Variants in ANGPT1 observed in about 807,000 individuals in gnomAD.
ANGPT1 encodes angiopoietin 1, also known as angiopoietin-1.
A neutral mutation model predicts 62.2 loss-of-function variants in ANGPT1; 17 were observed. The ratio of observed to expected loss-of-function variants is 0.27; its 90% CI spans 0.19 to 0.41. The LOEUF (loss-of-function observed/expected upper bound fraction) is 0.41, where lower values mean the gene tolerates loss of function less well. ANGPT1 is among the 10% of genes least tolerant of loss of function. ANGPT1 has a pLI of 1.00. For missense variants in ANGPT1, 478 were observed against 594.9 expected, an observed-to-expected ratio of 0.80 and a Z score of 2.04; for synonymous variants, 199 against 198.9, an observed-to-expected ratio of 1.00 and a Z score of 0.00.
chr8:107,457,279 A>C (rs1811944137), intron 1 of ANGPT1, among the ~76,000 whole-genome samples: 1 of 152,132 alleles, frequency 6.6e-6, no homozygotes, highest in Non-Finnish European at 1.5e-5. Context: ...GGCAGAGCAA[A>C]ATAATTAGCA....
intron 6 of ANGPT1, among the ~76,000 whole-genome samples, chr8:107,292,073 G>A (rs548062283): frequency 1.3e-5 from 2 of 152,210 alleles, no homozygotes; most frequent in South Asian, 2.1e-4. Flanking sequence ...CTGGTCCAGA[G>A]CTTGAGATTC....
intron 1 of ANGPT1, among the ~76,000 whole-genome samples, chr8:107,459,622 C>T (rs1442637050): frequency 6.6e-6 from 1 of 152,202 alleles, no homozygotes; most frequent in Non-Finnish European, 1.5e-5. Flanking sequence ...CAACAGTTTT[C>T]GTGGTCAGAC....
chr8:107,322,983 C>T (rs1350498349), intron 3 of ANGPT1, among the ~76,000 whole-genome samples: 1 of 152,132 alleles, frequency 6.6e-6, no homozygotes, highest in Non-Finnish European at 1.5e-5. Flanking sequence ...CAGGATGAGG[C>T]TTAATGACAC....
At chr8:107,347,551 A>G (rs1467858503) in intron 1 of ANGPT1, among the ~76,000 whole-genome samples, 1 of 152,196 alleles carries the variant, frequency 6.6e-6, no homozygotes, top group Admixed American at 6.5e-5. Context: ...GTTACACCAT[A>G]CTGACCACTT....
intron 1 of ANGPT1, among the ~76,000 whole-genome samples, chr8:107,369,242 T>G (rs575565477): frequency 3.0e-4 from 46 of 152,288 alleles, no homozygotes; most frequent in African/African-American, 1.1e-3. Flanking sequence ...TTAAACCTCA[T>G]GAGCCACAAC....
At chr8:107,312,569 C>T (rs1486425434) in intron 4 of ANGPT1, among the ~76,000 whole-genome samples, 3 of 152,174 alleles carry the variant, frequency 2.0e-5, no homozygotes, top group South Asian at 2.1e-4. Context: ...ACCACAAGTA[C>T]GTCACCTTGA....
chr8:107,432,588 C>T (rs1024523991), intron 1 of ANGPT1, among the ~76,000 whole-genome samples: 63 of 150,262 alleles, frequency 4.2e-4, no homozygotes, highest in Admixed American at 1.0e-3. Context: ...GGCGTGAACC[C>T]GGGAGGCAGA....
chr8:107,402,524 T>A (rs1012099183), intron 1 of ANGPT1, among the ~76,000 whole-genome samples: 2 of 152,218 alleles, frequency 1.3e-5, no homozygotes, highest in African/African-American at 4.8e-5. Flanking sequence ...CCTGCTCCCA[T>A]GCTAGCACTA....
chr8:107,347,820 C>T (rs1318530155), intron 1 of ANGPT1, among the ~76,000 whole-genome samples: 1 of 152,172 alleles, frequency 6.6e-6, no homozygotes, highest in Non-Finnish European at 1.5e-5. Flanking sequence ...ATTTACTCCT[C>T]TTGCTTTGGG....
At chr8:107,330,579 A>C (rs2130098002) in intron 3 of ANGPT1, among the ~76,000 whole-genome samples, 1 of 152,300 alleles carries the variant, frequency 6.6e-6, no homozygotes, top group Admixed American at 6.5e-5. Flanking sequence ...TCTGACTTGC[A>C]TTTTAGAAAG....
chr8:107,425,191 G>A (rs1013666501), intron 1 of ANGPT1, among the ~76,000 whole-genome samples: 7 of 152,158 alleles, frequency 4.6e-5, no homozygotes, highest in African/African-American at 1.7e-4. Context: ...TATTCTTAAA[G>A]CATTCCTTTC....
intron 1 of ANGPT1, among the ~76,000 whole-genome samples, chr8:107,397,913 G>A (rs1054409837): frequency 5.3e-5 from 8 of 152,068 alleles, no homozygotes; most frequent in African/African-American, 9.7e-5. Flanking sequence ...GTTCATACAC[G>A]GAAGGACTTT....
intron 4 of ANGPT1, among the ~76,000 whole-genome samples, chr8:107,316,960 C>T (rs1196881662): frequency 2.0e-5 from 3 of 152,146 alleles, no homozygotes; most frequent in Non-Finnish European, 2.9e-5. Context: ...CATGGTAACT[C>T]CCTCATGTTG....
At chr8:107,288,810 T>A (rs557136851) in intron 6 of ANGPT1, among the ~76,000 whole-genome samples, 11 of 152,212 alleles carry the variant, frequency 7.2e-5, no homozygotes, top group African/African-American at 2.6e-4. Context: ...CCTTCAAAAA[T>A]TCATATTCAT....
chr8:107,282,237 G>T (rs1192858434), intron 7 of ANGPT1, among the ~76,000 whole-genome samples: 1 of 151,774 alleles, frequency 6.6e-6, no homozygotes, highest in East Asian at 1.9e-4. Context: ...TACTTGAATT[G>T]CATGAGAAAA....
At chr8:107,264,167 C>T (rs555437621) in intron 8 of ANGPT1, 54 bp downstream of exon 8, 66 of 1,563,052 alleles carry the variant, frequency 4.2e-5, no homozygotes, top group African/African-American at 4.1e-5. Context: ...GATAAGAAAC[C>T]TTAAGCCCCA....
intron 7 of ANGPT1, 102 bp from the exon 8 acceptor site, chr8:107,264,453 T>C: frequency 1.4e-6 from 2 of 1,420,760 alleles, no homozygotes; most frequent in African/African-American, 1.4e-5. Context: ...CATTTTCTTC[T>C]TTCTTTGAAC....
At chr8:107,468,767 G>A (rs1322127595) in intron 1 of ANGPT1, among the ~76,000 whole-genome samples, 1 of 151,996 alleles carries the variant, frequency 6.6e-6, no homozygotes, top group East Asian at 1.9e-4. Flanking sequence ...GTAAGTGGAG[G>A]GAATCCTCCT....
At chr8:107,343,257 C>T (rs73702003) in intron 2 of ANGPT1, among the ~76,000 whole-genome samples, 6,695 of 151,942 alleles carry the variant, frequency 0.044, 470 homozygotes, top group African/African-American at 0.15. Context: ...GAAATGCCCA[C>T]GAGGAAAAAT....
Sources: allele counts gnomAD v4.1 joint callset (sites outside exome capture counted in the v4.1 genomes callset), GRCh38; gene constraint gnomAD v4.1.1; transcripts MANE v1.5; gene names NCBI Gene and HGNC (gene_info 2026-07-23, HGNC 2026-07-21).